Variants in NRG3 observed in about 807,000 individuals in gnomAD.
NRG3 encodes the protein neuregulin 3.
NRG3 carries 31 observed loss-of-function variants against 66.9 expected under a neutral mutation model. The observed-to-expected ratio is 0.46, with a 90% CI of 0.35 to 0.63. The LOEUF (loss-of-function observed/expected upper bound fraction) is 0.63, where lower values mean the gene tolerates loss of function less well. Among genes scored for constraint, NRG3 ranks in the 20% least tolerant of loss-of-function variants. The pLI is 0.00. For missense variants in NRG3, 910 were observed against 878.9 expected, an observed-to-expected ratio of 1.04 and a Z score of -0.45; for synonymous variants, 393 against 359.4, an observed-to-expected ratio of 1.09 and a Z score of -1.06.
chr10:81,883,907 GTAA>G (rs1564631130), intron 1 of NRG3, among the ~76,000 whole-genome samples: 1 of 150,102 alleles, frequency 6.7e-6, no homozygotes, highest in African/African-American at 2.5e-5. Flanking sequence ...AAGAATTTAA[GTAA>G]TAATAAAAAC....
At position 82,798,875 on chromosome 10, in the gene NRG3, G is replaced by A. The variant is rs76863429; in HGVS notation, c.1027+60225G>A. On this transcript the variant is annotated intron_variant, in intron 3 of 8. Transcript: ENST00000372141. ...TTTCCCACTCCTACATCCTTATCTC[G>A]GACCCCTTGGGATATAGAGAAGGAC... 7.2e-3 allele frequency among the ~76,000 whole-genome samples: 1,093 copies of A among 152,024 alleles called. 10 individuals are homozygous for A. The highest frequency in any genetic ancestry group is 0.012 in the Non-Finnish European group (795 of 67,994).
chr10:82,124,844 A>G (rs942448300), intron 1 of NRG3, among the ~76,000 whole-genome samples: 11 of 151,948 alleles, frequency 7.2e-5, no homozygotes, highest in East Asian at 1.9e-4. Context: ...ATCACAGACT[A>G]TTTACTTGAC....
At chr10:82,447,055 G>A (rs922799874) in intron 2 of NRG3, among the ~76,000 whole-genome samples, 1 of 152,196 alleles carries the variant, frequency 6.6e-6, no homozygotes, top group Non-Finnish European at 1.5e-5. Context: ...AATAGGAGAA[G>A]AAGAAAGACA....
intron 2 of NRG3, among the ~76,000 whole-genome samples, chr10:82,531,750 C>T (rs1847294760): frequency 6.6e-6 from 1 of 151,802 alleles, no homozygotes; most frequent in Non-Finnish European, 1.5e-5. Flanking sequence ...GTATTTTCAC[C>T]TTCACCTAAT....
intron 1 of NRG3, among the ~76,000 whole-genome samples, chr10:81,979,216 CCTGT>C (rs935041539): frequency 3.3e-5 from 5 of 149,960 alleles, no homozygotes; most frequent in Non-Finnish European, 5.9e-5. Flanking sequence ...AAAAAAATTT[CCTGT>C]CTGTCTGAAT....
At chr10:82,405,294 C>T (rs1407753293) in intron 2 of NRG3, among the ~76,000 whole-genome samples, 1 of 152,008 alleles carries the variant, frequency 6.6e-6, no homozygotes, top group Non-Finnish European at 1.5e-5. Flanking sequence ...TTGCAAAGAC[C>T]CTGTGCTGAG....
intron 4 of NRG3, among the ~76,000 whole-genome samples, chr10:82,865,677 TTGGCTCC>T (rs1840646010): frequency 6.6e-6 from 1 of 152,184 alleles, no homozygotes; most frequent in Non-Finnish European, 1.5e-5. Flanking sequence ...GAAGTTGTAT[TTGGCTCC>T]TGGCTTTGAT....
At chr10:82,526,270 A>C (rs1415196852) in intron 2 of NRG3, among the ~76,000 whole-genome samples, 2 of 151,872 alleles carry the variant, frequency 1.3e-5, no homozygotes, top group Non-Finnish European at 2.9e-5. Context: ...ATACACAATA[A>C]AATTTATTTT....
intron 1 of NRG3, among the ~76,000 whole-genome samples, chr10:82,343,749 C>T (rs1324368678): frequency 6.6e-6 from 1 of 152,094 alleles, no homozygotes; most frequent in African/African-American, 2.4e-5. Context: ...TATATGGTAA[C>T]TAACCACTGC....
At chr10:82,865,155 A>G (rs1840583118) in intron 3 of NRG3, among the ~76,000 whole-genome samples, 1 of 152,118 alleles carries the variant, frequency 6.6e-6, no homozygotes, top group Admixed American at 6.6e-5. Flanking sequence ...ATTCTTCATG[A>G]TGTATGCAAT....
chr10:82,410,081 G>A (rs983834883), intron 2 of NRG3, among the ~76,000 whole-genome samples: 1 of 152,002 alleles, frequency 6.6e-6, no homozygotes, highest in African/African-American at 2.4e-5. Context: ...AAAGCAGTTA[G>A]TCTACCCAGG....
intron 1 of NRG3, among the ~76,000 whole-genome samples, chr10:82,034,907 C>G (rs577616628): frequency 3.1e-4 from 47 of 152,202 alleles, no homozygotes; most frequent in African/African-American, 1.1e-3. Context: ...GCAGCCCTGG[C>G]ACCATCTTTC....
intron 1 of NRG3, among the ~76,000 whole-genome samples, chr10:82,196,456 C>G (rs2074454949): frequency 6.6e-6 from 1 of 152,138 alleles, no homozygotes; most frequent in African/African-American, 2.4e-5. Flanking sequence ...AATGCAAGAG[C>G]TGGGTTCAGG....
At chr10:82,310,192 A>T (rs1030948379) in intron 1 of NRG3, among the ~76,000 whole-genome samples, 1 of 152,146 alleles carries the variant, frequency 6.6e-6, no homozygotes, top group Admixed American at 6.5e-5. Flanking sequence ...CTGCAATATC[A>T]TTTATCTCCA....
At chr10:81,937,679 A>G (rs897447256) in intron 1 of NRG3, among the ~76,000 whole-genome samples, 3 of 152,086 alleles carry the variant, frequency 2.0e-5, no homozygotes, top group Non-Finnish European at 2.9e-5. Context: ...ATTTGCAAAT[A>G]TCTTCTCTCA....
chr10:82,008,591 T>A (rs1343101543), intron 1 of NRG3, among the ~76,000 whole-genome samples: 1 of 152,202 alleles, frequency 6.6e-6, no homozygotes, highest in Non-Finnish European at 1.5e-5. Context: ...ACAGAGCTAT[T>A]CAAGATCATG....
chr10:82,851,542 C>A (rs925557237), intron 3 of NRG3, among the ~76,000 whole-genome samples: 4 of 152,136 alleles, frequency 2.6e-5, no homozygotes, highest in Non-Finnish European at 4.4e-5. Flanking sequence ...TTTGTCTATA[C>A]CATGAAATCT....
Position 81,876,009 on chromosome 10 carries a change from C to T in NRG3, c.669C>T (p.Ser223=). ...PGTPSTQAMP[S]WPTAAYATSS... is the part of the protein sequence containing the mutation. ...CTCCAAGTACCCAGGCAATGCCCTC[C>T]TGGCCTACTGCGGCATACGCTACCT... The change falls in exon 1 of 9, where the codon TCC becomes TCT. Residue 223 remains serine (S), a synonymous_variant. Transcript: ENST00000372141. 3 of 1,614,066 alleles carry T rather than the reference C, an allele frequency of 1.9e-6. No individual in the cohort carries two copies. The highest frequency in any genetic ancestry group is 2.2e-5 in the South Asian group (2 of 91,082).
chr10:82,708,360 T>A (rs149638762), intron 2 of NRG3, among the ~76,000 whole-genome samples: 258 of 152,304 alleles, frequency 1.7e-3, no homozygotes, highest in Non-Finnish European at 2.7e-3. Flanking sequence ...ATTTGTTACA[T>A]GAGTAAATTA....
Sources: gnomAD v4.1 joint callset for allele counts (sites outside exome capture counted in the v4.1 genomes callset) on GRCh38, gnomAD v4.1.1 for gene constraint, MANE v1.5 for transcripts, NCBI Gene and HGNC (gene_info 2026-07-23, HGNC 2026-07-21) for gene names.